Variants in BRWD1 observed in about 807,000 individuals in gnomAD.
BRWD1 encodes the protein bromodomain and WD repeat domain containing 1.
In BRWD1, 82 loss-of-function variants were observed where a neutral mutation model predicts 251.2. The ratio of observed to expected loss-of-function variants is 0.33; its 90% CI spans 0.27 to 0.39. BRWD1 has a LOEUF of 0.39. Among genes scored for constraint, BRWD1 ranks in the 10% least tolerant of loss-of-function variants. BRWD1 has a pLI of 1.00. For missense variants in BRWD1, 2,233 were observed against 2,711.6 expected, an observed-to-expected ratio of 0.82 and a Z score of 3.92; for synonymous variants, 918 against 902.8, an observed-to-expected ratio of 1.02 and a Z score of -0.30.
Position 39,215,316 on chromosome 21 carries a change from C to T in BRWD1, c.3706G>A (p.Ala1236Thr), listed in dbSNP as rs1447435836. The T allele has an allele frequency of 6.2e-7, 1 of 1,613,350 alleles. No individual in the cohort carries two copies. Among genetic ancestry groups the T allele is most frequent in the Admixed American group, 1.7e-5 (1 of 60,022 alleles). ...CTCTCAGGTTCGTTAAATGTTCTGG[C>T]ATTATGTTCTATATATCTGACTTCC... is the stretch of plus-strand genomic sequence containing the variant. ...VWEVRYIEHNARTFNEPESVI... is the reference protein window; with the variant it reads ...VWEVRYIEHNTRTFNEPESVI... The change falls in exon 32 of 41, where the codon GCC becomes ACC. Residue 1236 changes from alanine (A) to threonine (T), a missense_variant. Ala to Thr is a moderately conservative substitution (Grantham distance 58). Coordinates refer to ENST00000342449, the MANE Select transcript of BRWD1 (RefSeq NM_033656.4).
chr21:39,269,452 C>T (rs2035033521), intron 15 of BRWD1, among the ~76,000 whole-genome samples: 4 of 151,714 alleles, frequency 2.6e-5, no homozygotes, highest in Non-Finnish European at 5.9e-5. Context: ...TCAGAGCCAC[C>T]ACACCCAGCC....
chr21:39,184,606 G>A (rs1255447697), downstream of BRWD1: 1 of 152,174 alleles, frequency 6.6e-6, no homozygotes, highest in Non-Finnish European at 1.5e-5. Flanking sequence ...AAATCTCAAA[G>A]CTGTTAGAAA....
At chr21:39,254,883 AT>A (rs2034510736) in intron 19 of BRWD1, among the ~76,000 whole-genome samples, 1 of 152,210 alleles carries the variant, frequency 6.6e-6, no homozygotes, top group Admixed American at 6.5e-5. Flanking sequence ...AACTGAAAAC[AT>A]TTATGACACC....
chr21:39,226,976 T>C (rs1185699759), intron 27 of BRWD1, among the ~76,000 whole-genome samples: 3 of 151,898 alleles, frequency 2.0e-5, no homozygotes, highest in Admixed American at 6.6e-5. Flanking sequence ...AAATTAAAAA[T>C]TAGCTGCACA....
At position 39,210,150 on chromosome 21, in the gene BRWD1, A is replaced by G; in HGVS notation, c.4045-3T>C. On this transcript the variant is annotated splice_polypyrimidine_tract_variant and splice_region_variant and intron_variant, in intron 35 of 40. Transcript: ENST00000342449. ...GTATCTATAATATCTCTGTAGTCCT[A>G]GGTTTTAAACACAATATTTAATTCA... The G allele has an allele frequency of 6.2e-7, 1 of 1,601,066 alleles. No homozygotes were observed. The highest frequency in any genetic ancestry group is 8.5e-7 in the Non-Finnish European group (1 of 1,171,362).
chr21:39,237,631 G>C (rs529139512), intron 22 of BRWD1, among the ~76,000 whole-genome samples: 1 of 152,156 alleles, frequency 6.6e-6, no homozygotes, highest in South Asian at 2.1e-4. Context: ...AAACACGGAA[G>C]GTAGAATAGT....
At chr21:39,264,313 CA>C in intron 17 of BRWD1, 146 bp downstream of exon 17, 1 of 542,690 alleles carries the variant, frequency 1.8e-6, no homozygotes, top group Non-Finnish European at 3.0e-6. Flanking sequence ...TTAAATGGTT[CA>C]AAACAATACA....
intron 34 of BRWD1, among the ~76,000 whole-genome samples, chr21:39,211,529 A>G (rs1167524182): frequency 6.6e-6 from 1 of 152,172 alleles, no homozygotes; most frequent in East Asian, 1.9e-4. Context: ...AGGTGAGGAC[A>G]CCCACTAGAA....
chr21:39,206,053 G>T (rs1266875001), intron 37 of BRWD1, 55 bp downstream of exon 37: 1 of 1,525,316 alleles, frequency 6.6e-7, no homozygotes, highest in Non-Finnish European at 8.9e-7. Context: ...GACACAGTGA[G>T]ACTCTCTCCA....
chr21:39,309,871 T>C (rs577171844), intron 4 of BRWD1, among the ~76,000 whole-genome samples: 156 of 150,858 alleles, frequency 1.0e-3, no homozygotes, highest in African/African-American at 3.4e-3. Flanking sequence ...AAAGAAAATC[T>C]GGATATGGAC....
intron 4 of BRWD1, chr21:39,312,568 C>A: frequency 3.0e-6 from 1 of 333,338 alleles, no homozygotes; most frequent in South Asian, 3.6e-5. Context: ...CAGAGGCGGC[C>A]GCACCTGGAG....
At chr21:39,291,280 C>T (rs1410248477) in intron 8 of BRWD1, among the ~76,000 whole-genome samples, 1 of 152,146 alleles carries the variant, frequency 6.6e-6, no homozygotes, top group East Asian at 1.9e-4. Context: ...GGTGAATGTG[C>T]ATAAAAAAAT....
chr21:39,301,317 G>A (rs2036105176), intron 4 of BRWD1, among the ~76,000 whole-genome samples: 3 of 152,206 alleles, frequency 2.0e-5, no homozygotes, highest in Admixed American at 2.0e-4. Context: ...GTAACATTGA[G>A]AGGATACTAC....
intron 29 of BRWD1, among the ~76,000 whole-genome samples, chr21:39,223,043 A>G (rs2033241422): frequency 1.3e-5 from 2 of 152,316 alleles, no homozygotes; most frequent in South Asian, 4.1e-4. Flanking sequence ...AAAGCCTTAA[A>G]GTCATGAAAG....
chr21:39,278,910 AT>A, intron 9 of BRWD1, 97 bp from the exon 10 acceptor site: 1 of 978,092 alleles, frequency 1.0e-6, no homozygotes, highest in South Asian at 2.4e-5. Context: ...AAATATTATA[AT>A]TTTTTAAGAG....
rs188479595 is a variant in BRWD1 at position 39,303,889 on chromosome 21, C to T, written c.199-5307G>A. On this transcript the variant is annotated intron_variant, in intron 4 of 40. Coordinates refer to ENST00000342449, the MANE Select transcript of BRWD1 (RefSeq NM_033656.4). ...AGGCGCAGTGGCTCACACCTGTAAT[C>T]CCAGCACTATGGGATCCTGAGGCGG... Among the ~76,000 whole-genome samples, 5 of 151,732 alleles carry T rather than the reference C, an allele frequency of 3.3e-5. No individual in the cohort carries two copies. The East Asian group carries it at 7.7e-4, about 23-fold the overall frequency.
At chr21:39,257,862 T>C (rs2034610881) in intron 18 of BRWD1, among the ~76,000 whole-genome samples, 1 of 152,140 alleles carries the variant, frequency 6.6e-6, no homozygotes, top group Non-Finnish European at 1.5e-5. Context: ...GGAATCTAGG[T>C]AAAGAATATA....
intron 19 of BRWD1, among the ~76,000 whole-genome samples, chr21:39,252,338 G>A (rs1395977703): frequency 1.3e-5 from 2 of 151,680 alleles, no homozygotes; most frequent in Non-Finnish European, 2.9e-5. Context: ...GGCACAAAAA[G>A]AATTACTTAT....
In BRWD1 at chr21:39,196,193, T is replaced by C; in HGVS notation, c.*66A>G. ...GAATTGTAAGACAAAAAAATAATTT[T>C]AACAGCCAGCTTTCACCATAAATGC... On this transcript the variant is annotated 3_prime_UTR_variant, in exon 41 of 41. Coordinates refer to ENST00000342449, the MANE Select transcript of BRWD1 (RefSeq NM_033656.4). 1 of 1,488,266 alleles carries C rather than the reference T, an allele frequency of 6.7e-7. No individual in the cohort carries two copies. Among genetic ancestry groups the C allele is most frequent in the Non-Finnish European group, 8.9e-7 (1 of 1,123,434 alleles). The allele number at this position is 1,488,266 out of a possible 1,614,324, so 92.2% of individuals were successfully genotyped here. A position where few individuals can be genotyped will look rare whatever the true frequency, so the allele number is the denominator to read the frequency against.
Sources: gnomAD v4.1 joint callset for allele counts (sites outside exome capture counted in the v4.1 genomes callset) on GRCh38, gnomAD v4.1.1 for gene constraint, MANE v1.5 for transcripts, NCBI Gene and HGNC (gene_info 2026-07-23, HGNC 2026-07-21) for gene names.